TBX20: variants seen among roughly 807,000 people sequenced by gnomAD.
TBX20 encodes T-box transcription factor 20.
A neutral mutation model predicts 42.9 loss-of-function variants in TBX20; 8 were observed. That is an observed-to-expected ratio of 0.19 (90% CI 0.11 to 0.34). TBX20 has a LOEUF of 0.34. TBX20 is among the 10% of genes least tolerant of loss of function. The pLI, the probability that TBX20 is intolerant of heterozygous loss-of-function variation, is 1.00. For missense variants in TBX20, 411 were observed against 566.0 expected, an observed-to-expected ratio of 0.73 and a Z score of 2.78; for synonymous variants, 198 against 222.8, an observed-to-expected ratio of 0.89 and a Z score of 0.99.
chr7:35,216,251 G>A (rs925225345), intron 6 of TBX20, among the ~76,000 whole-genome samples: 1 of 152,150 alleles, frequency 6.6e-6, no homozygotes, highest in Non-Finnish European at 1.5e-5. Flanking sequence ...TAGGTCTGGG[G>A]TGTGGCCTGA....
At chr7:35,232,977 G>A (rs546774192) in intron 5 of TBX20, among the ~76,000 whole-genome samples, 17 of 152,278 alleles carry the variant, frequency 1.1e-4, no homozygotes, top group East Asian at 9.7e-4. Context: ...CCGAGATCGC[G>A]CCACTGCACT....
intron 6 of TBX20, among the ~76,000 whole-genome samples, chr7:35,216,787 A>C (rs1404482128): frequency 6.6e-6 from 1 of 152,212 alleles, no homozygotes; most frequent in Non-Finnish European, 1.5e-5. Context: ...GACCTGGCAA[A>C]ACTGTGTTCA....
At position 35,249,697 on chromosome 7, in the gene TBX20, T is replaced by G. The variant is rs1488659224; in HGVS notation, c.380+254A>C. ...AGCAGACCACACCCTTCGGGGTTAG[T>G]GTGTCTCCCTGGTCCCTGTGCCCTT... On this transcript the variant is annotated intron_variant, in intron 2 of 7. Coordinates refer to ENST00000408931, the MANE Select transcript of TBX20 (RefSeq NM_001077653.2). The surrounding 1 kb of genome is among the most constrained non-coding windows in gnomAD (Gnocchi z 4.3). Among the ~76,000 whole-genome samples the G allele has an allele frequency of 2.0e-5, 3 of 152,110 alleles. No homozygotes were observed. Among genetic ancestry groups the G allele is most frequent in the Non-Finnish European group, 4.4e-5 (3 of 68,012 alleles).
chr7:35,253,580 C>G lies in TBX20; in HGVS notation c.41G>C (p.Arg14Pro). Reference protein sequence around the residue: ...TASPKPQLSSRANAFSIAALM... With the variant: ...TASPKPQLSSPANAFSIAALM... ...CGCGGCAATGGAGAAGGCGTTGGCC[C>G]GAGAGGAGAGTTGGGGCTTGGGGGA... The change falls in exon 1 of 8, where the codon CGG becomes CCG. Residue 14 changes from arginine to proline, a missense_variant. Coordinates refer to ENST00000408931, the MANE Select transcript of TBX20 (RefSeq NM_001077653.2). The G allele has an allele frequency of 6.2e-7, 1 of 1,612,550 alleles. No individual in the cohort carries two copies.
intron 4 of TBX20, among the ~76,000 whole-genome samples, 199 bp from the exon 5 acceptor site, chr7:35,241,236 A>G (rs1790075202): frequency 6.6e-6 from 1 of 152,248 alleles, no homozygotes; most frequent in South Asian, 2.1e-4. Flanking sequence ...CATTTTACCA[A>G]AACAACTGCA....
At chr7:35,227,535 C>G (rs1268288296) in intron 6 of TBX20, among the ~76,000 whole-genome samples, 1 of 152,076 alleles carries the variant, frequency 6.6e-6, no homozygotes, top group Non-Finnish European at 1.5e-5. Flanking sequence ...GTATTCAGTA[C>G]AGTAACATGC....
intron 6 of TBX20, among the ~76,000 whole-genome samples, chr7:35,206,116 A>G (rs1325842191): frequency 1.3e-5 from 2 of 152,258 alleles, no homozygotes; most frequent in South Asian, 2.1e-4. Flanking sequence ...TTGCCTCTGC[A>G]GGGTGAAATC....
chr7:35,210,529 A>G (rs1391512273), intron 6 of TBX20, among the ~76,000 whole-genome samples: 1 of 152,194 alleles, frequency 6.6e-6, no homozygotes, highest in East Asian at 1.9e-4. Context: ...ATTATTAAGA[A>G]AGGGATATTA....
chr7:35,253,742 G>C lies in TBX20; in HGVS notation c.-122C>G. 7.5e-7 allele frequency: 1 copy of C among 1,335,542 alleles called. No homozygotes were observed. The highest frequency in any genetic ancestry group is 2.1e-5 in the Admixed American group (1 of 48,604). 82.7% of individuals were successfully genotyped at this position (1,335,542 alleles called of 1,614,324 possible). On this transcript the variant is annotated 5_prime_UTR_variant, in exon 1 of 8. Transcript: ENST00000408931. Reference sequence around the variant, plus strand: ...TCCGAGAGCAGTCACAGCGGGGCCAGGGACTCCAGAAGTGTCAGCTCCAAC... The same window carrying C: ...TCCGAGAGCAGTCACAGCGGGGCCACGGACTCCAGAAGTGTCAGCTCCAAC...
At chr7:35,242,891 A>T (rs1333711518) in intron 4 of TBX20, among the ~76,000 whole-genome samples, 1 of 152,214 alleles carries the variant, frequency 6.6e-6, no homozygotes. Context: ...TATTCAAAGA[A>T]GCTAGCTTAA....
intron 6 of TBX20, among the ~76,000 whole-genome samples, chr7:35,227,242 T>C (rs1414834796): frequency 6.6e-6 from 1 of 152,162 alleles, no homozygotes; most frequent in East Asian, 1.9e-4. Flanking sequence ...GTAAAACTGT[T>C]ATAATAAGCT....
At chr7:35,212,005 G>C (rs985453319) in intron 6 of TBX20, among the ~76,000 whole-genome samples, 1 of 151,936 alleles carries the variant, frequency 6.6e-6, no homozygotes, top group African/African-American at 2.4e-5. Flanking sequence ...TTATTTCTTT[G>C]GGTATATTTT....
chr7:35,208,224 T>C (rs188693068), intron 6 of TBX20, among the ~76,000 whole-genome samples: 2 of 152,348 alleles, frequency 1.3e-5, no homozygotes, highest in East Asian at 1.9e-4. Context: ...TATTCATTTA[T>C]AATAGATAGA....
chr7:35,215,362 C>T lies in TBX20; in HGVS notation c.891-10780G>A, dbSNP rs183697486. ...GAAGATGTTACAAAGAGTAGTCAGG[C>T]CATGATGTTTACTTTATGTCTAATC... On this transcript the variant is annotated intron_variant, in intron 6 of 7. Coordinates refer to ENST00000408931, the MANE Select transcript of TBX20 (RefSeq NM_001077653.2). Among the ~76,000 whole-genome samples, 721 of 152,206 alleles carry T rather than the reference C, an allele frequency of 4.7e-3. 3 individuals are homozygous for T. The highest frequency in any genetic ancestry group is 0.016 in the African/African-American group (650 of 41,530).
At chr7:35,210,569 TG>T (rs984233116) in intron 6 of TBX20, among the ~76,000 whole-genome samples, 27 of 152,330 alleles carry the variant, frequency 1.8e-4, no homozygotes, top group African/African-American at 6.3e-4. Context: ...TATATTTGTC[TG>T]TTTTTTTATA....
At chr7:35,241,121 A>C in intron 4 of TBX20, 84 bp from the exon 5 acceptor site, 3 of 1,219,620 alleles carry the variant, frequency 2.5e-6, no homozygotes, top group Non-Finnish European at 3.6e-6. Flanking sequence ...AGAAAGAACC[A>C]AATGGTCTAC....
Position 35,249,908 on chromosome 7 carries a change from C to T in TBX20, c.380+43G>A. The T allele has an allele frequency of 2.5e-6, 4 of 1,571,970 alleles. No homozygotes were observed. Among genetic ancestry groups the T allele is most frequent in the Non-Finnish European group, 3.5e-6 (4 of 1,156,492 alleles). ...CACCCTCAACTACCCAGGGAGTGTC[C>T]TGACTCTCCACCCCCAACCCCCAAC... On this transcript the variant is annotated intron_variant, in intron 2 of 7. Transcript: ENST00000408931. The surrounding 1 kb of genome is among the most constrained non-coding windows in gnomAD (Gnocchi z 4.3).
chr7:35,226,627 A>C (rs1789775533), intron 6 of TBX20, among the ~76,000 whole-genome samples: 1 of 152,194 alleles, frequency 6.6e-6, no homozygotes, highest in Non-Finnish European at 1.5e-5. Context: ...ACAATGTTTC[A>C]GCCCACAACG....
chr7:35,214,552 C>A (rs895585386), intron 6 of TBX20, among the ~76,000 whole-genome samples: 20 of 152,038 alleles, frequency 1.3e-4, no homozygotes, highest in African/African-American at 4.6e-4. Flanking sequence ...ATTAATTTAC[C>A]AGCTGCCATA....
Sources: allele counts gnomAD v4.1 joint callset (sites outside exome capture counted in the v4.1 genomes callset), GRCh38; gene constraint gnomAD v4.1.1; non-coding constraint Gnocchi (gnomAD v3.1); transcripts MANE v1.5; gene names NCBI Gene and HGNC (gene_info 2026-07-23, HGNC 2026-07-21).